The following MADD variants were observed in gnomAD, a reference collection of about 807,000 sequenced individuals.
The protein encoded by MADD is MAP kinase-activating death domain protein.
Under a neutral mutation model 176.7 loss-of-function variants are expected in MADD, and 109 were observed. That is an observed-to-expected ratio of 0.62 (90% CI 0.53 to 0.72). The LOEUF is 0.72. MADD is among the 30% of genes least tolerant of loss of function. The pLI, the probability that MADD is intolerant of heterozygous loss-of-function variation, is 0.00. For synonymous variants in MADD, 771 were observed against 771.3 expected (o/e 1.00, Z 0.01); for missense variants, 1,914 against 2,045.5 (o/e 0.94, Z 1.24).
At chr11:47,328,519 G>C in intron 31 of MADD, 139 bp from the exon 36 acceptor site, 1 of 1,519,210 alleles carries the variant, frequency 6.6e-7, no homozygotes, top group Non-Finnish European at 8.8e-7. Context: ...CCCTGTCATA[G>C]CCTAAGCTGC....
chr11:47,323,876 G>A (rs1013317538), intron 28 of MADD, 41 bp downstream of exon 31: 1 of 1,593,536 alleles, frequency 6.3e-7, no homozygotes, highest in African/African-American at 1.3e-5. Context: ...AGTAGGCATT[G>A]AAGACCAAAT....
chr11:47,281,559 T>C lies in MADD; in HGVS notation c.1291-16T>C. ...GGGACGTTCCTTGTGTAAGGAATTTTCTTGTTGTTCCACAGGCCTTGGCCA... is the reference window on the plus strand; with the variant it reads ...GGGACGTTCCTTGTGTAAGGAATTTCCTTGTTGTTCCACAGGCCTTGGCCA... On this transcript the variant is annotated splice_polypyrimidine_tract_variant and intron_variant, in intron 7 of 32. Coordinates refer to ENST00000402192, the Ensembl canonical transcript of MADD. 6.3e-7 allele frequency: 1 copy of C among 1,583,280 alleles called. No homozygotes were observed. The highest frequency in any genetic ancestry group is 8.6e-7 in the Non-Finnish European group (1 of 1,159,312).
In MADD at chr11:47,284,184, T is replaced by TG; in HGVS notation, c.1870dup (p.Asp624GlyfsTer2). The TG allele has an allele frequency of 6.2e-7, 1 of 1,611,758 alleles. No individual in the cohort carries two copies. The highest frequency in any genetic ancestry group is 8.5e-7 in the Non-Finnish European group (1 of 1,177,848). On this transcript the variant is annotated frameshift_variant, in exon 11 of 33. Transcript: ENST00000402192. LOFTEE classifies it high-confidence loss of function. ...TATGCACTTCACTCTGCAGTGGCAG[T>TG]GATAGTATGGATTATGACGATTCAA... is the stretch of plus-strand genomic sequence containing the variant.
chr11:47,290,681 G>T, exon 19 of MADD: 1 of 1,614,154 alleles, frequency 6.2e-7, no homozygotes, highest in East Asian at 2.2e-5. Context: ...TGGCCTAGCT[G>T]GGCGGGGGGA....
At chr11:47,326,093 T>C (rs75958295) in intron 30 of MADD, among the ~76,000 whole-genome samples, 3,290 of 152,016 alleles carry the variant, frequency 0.022, 58 homozygotes, top group Non-Finnish European at 0.029. Context: ...TCCACGTTCA[T>C]GGGCAAAGAA....
At chr11:47,284,432 A>C in exon 12 of MADD, 1 of 1,614,112 alleles carries the variant, frequency 6.2e-7, no homozygotes. Flanking sequence ...GAGATTGACG[A>C]GCTGCAGAAT....
At chr11:47,327,639 C>G (rs1458299924) in intron 31 of MADD, 2 of 985,452 alleles carry the variant, frequency 2.0e-6, no homozygotes, top group Non-Finnish European at 1.2e-6. Flanking sequence ...GTTCCCTTCT[C>G]TCTTCTGTCA....
At chr11:47,294,932 T>C (rs1044832287) in intron 20 of MADD, among the ~76,000 whole-genome samples, 3 of 152,248 alleles carry the variant, frequency 2.0e-5, no homozygotes, top group Middle Eastern at 3.4e-3. Context: ...GAGGTAGATT[T>C]ACAGCTTGTT....
intron 1 of MADD, among the ~76,000 whole-genome samples, chr11:47,272,665 A>G (rs1473466224): frequency 2.0e-5 from 3 of 152,260 alleles, no homozygotes; most frequent in Middle Eastern, 3.2e-3. Context: ...AGAGAAGTGT[A>G]TAGACACTTA....
At chr11:47,292,631 C>T in intron 19 of MADD, 35 bp downstream of exon 21, 1 of 1,609,254 alleles carries the variant, frequency 6.2e-7, no homozygotes, top group Non-Finnish European at 8.5e-7. Context: ...TTCCCAAGTC[C>T]TCCATACCTG....
intron 22 of MADD, among the ~76,000 whole-genome samples, chr11:47,301,608 T>G (rs2077848840): frequency 6.6e-6 from 1 of 152,194 alleles, no homozygotes; most frequent in Non-Finnish European, 1.5e-5. Flanking sequence ...GTGTATCCCA[T>G]AGGTTTTGGT....
At chr11:47,283,008 A>C (rs745519985) in intron 10 of MADD, 39 bp downstream of exon 10, 1 of 1,597,654 alleles carries the variant, frequency 6.3e-7, no homozygotes, top group Non-Finnish European at 8.6e-7. Context: ...TTTAAAGGTG[A>C]GGAGGCTCTC....
At chr11:47,282,346 T>G in intron 8 of MADD, 35 bp from the exon 9 acceptor site, 1 of 1,568,976 alleles carries the variant, frequency 6.4e-7, no homozygotes, top group Non-Finnish European at 8.8e-7. Flanking sequence ...CCTTACCCTA[T>G]GGGTCTCAGA....
intron 9 of MADD, 97 bp downstream of exon 9, chr11:47,282,713 A>G (rs1742044075): frequency 1.3e-6 from 2 of 1,589,120 alleles, no homozygotes; most frequent in East Asian, 2.2e-5. Flanking sequence ...TGTGCCTTCT[A>G]TCCTGGCTCT....
intron 27 of MADD, among the ~76,000 whole-genome samples, chr11:47,318,250 A>T (rs1173686029): frequency 6.6e-6 from 1 of 152,200 alleles, no homozygotes; most frequent in East Asian, 1.9e-4. Flanking sequence ...ACTCCTATAT[A>T]TAAAGTAGTA....
At chr11:47,290,864 ATATCCC>A in intron 19 of MADD, 48 bp downstream of exon 20, 1 of 1,446,298 alleles carries the variant, frequency 6.9e-7, no homozygotes, top group Admixed American at 1.8e-5. Context: ...GGCTTCTTAA[ATATCCC>A]TTTCTCCTCA....
intron 22 of MADD, 115 bp downstream of exon 24, chr11:47,296,170 G>C: frequency 8.2e-7 from 1 of 1,221,290 alleles, no homozygotes; most frequent in Non-Finnish European, 1.1e-6. Flanking sequence ...TAAGGAAGAG[G>C]TAATCTTCTT....
chr11:47,275,401 T>G (rs562717148), intron 3 of MADD, among the ~76,000 whole-genome samples: 1 of 152,298 alleles, frequency 6.6e-6, no homozygotes, highest in African/African-American at 2.4e-5. Context: ...AAGTGATCCT[T>G]CTGCCTCAGC....
At chr11:47,323,899 T>C in intron 28 of MADD, 64 bp downstream of exon 31, 1 of 1,553,078 alleles carries the variant, frequency 6.4e-7, no homozygotes, top group Non-Finnish European at 8.8e-7. Context: ...TGAATTTCTC[T>C]TTGGGAAGTT....
Sources: gnomAD v4.1 joint callset for allele counts (sites outside exome capture counted in the v4.1 genomes callset) on GRCh38, gnomAD v4.1.1 for gene constraint, MANE v1.5 for transcripts, NCBI Gene and HGNC (gene_info 2026-07-23, HGNC 2026-07-21) for gene names.